Variants in ASTN2 observed in about 807,000 individuals in gnomAD.
The protein encoded by ASTN2 is astrotactin-2.
A neutral mutation model predicts 139.8 loss-of-function variants in ASTN2; 54 were observed. That is an observed-to-expected ratio of 0.39 (90% CI 0.31 to 0.48). The LOEUF (loss-of-function observed/expected upper bound fraction) is 0.48, where lower values mean the gene tolerates loss of function less well. ASTN2 is among the 20% of genes least tolerant of loss of function. The pLI, the probability that ASTN2 is intolerant of heterozygous loss-of-function variation, is 0.95. For missense variants in ASTN2, 1,565 were observed against 1,725.1 expected, an observed-to-expected ratio of 0.91 and a Z score of 1.64; for synonymous variants, 756 against 719.5, an observed-to-expected ratio of 1.05 and a Z score of -0.81.
intron 7 of ASTN2, among the ~76,000 whole-genome samples, chr9:116,986,088 C>T (rs984778306): frequency 6.6e-6 from 1 of 152,000 alleles, no homozygotes; most frequent in Non-Finnish European, 1.5e-5. Flanking sequence ...GTAGGCAGCA[C>T]TTGGTATGTT....
rs1306397698 is a variant in ASTN2, at chr9:117,120,018, G to GTGTGTACATATATATATATATATA, written c.1168+21307_1168+21308insTATATATATATATATATGTACACA. On this transcript the variant is annotated intron_variant, in intron 4 of 22. Coordinates refer to ENST00000313400, the MANE Select transcript of ASTN2 (RefSeq NM_001365068.1). ...TGTGTGTGTGTGTGTGTGTGTGTGT[G>GTGTGTACATATATATATATATATA]TATATATATATATATATATATATAT... Among the ~76,000 whole-genome samples, 4 of 45,998 alleles carry GTGTGTACATATATATATATATATA rather than the reference G, an allele frequency of 8.7e-5. No homozygotes were observed. In the Admixed American group the frequency reaches 9.0e-4, roughly 10 times the overall value. The allele number at this position is 45,998 out of a possible 152,430, so 30.2% of individuals were successfully genotyped here.
chr9:116,781,404 G>T (rs1830215422), intron 13 of ASTN2, among the ~76,000 whole-genome samples: 1 of 152,168 alleles, frequency 6.6e-6, no homozygotes, highest in Admixed American at 6.5e-5. Flanking sequence ...GACACAAGTA[G>T]GCATATAGGA....
At chr9:116,622,675 C>G (rs1856222931) in intron 17 of ASTN2, among the ~76,000 whole-genome samples, 1 of 152,200 alleles carries the variant, frequency 6.6e-6, no homozygotes, top group Non-Finnish European at 1.5e-5. Flanking sequence ...GGATTAATCC[C>G]AAGTAGGGTT....
At chr9:116,907,624 C>G (rs760776570) in intron 10 of ASTN2, among the ~76,000 whole-genome samples, 8 of 152,218 alleles carry the variant, frequency 5.3e-5, no homozygotes, top group Non-Finnish European at 8.8e-5. Context: ...AGATGGATGG[C>G]GGGTAATATC....
At chr9:116,692,617 G>A (rs555725454) in intron 16 of ASTN2, among the ~76,000 whole-genome samples, 58 of 152,238 alleles carry the variant, frequency 3.8e-4, no homozygotes, top group African/African-American at 1.4e-3. Flanking sequence ...TTCAAATCCA[G>A]GAAAGCCTGA....
At chr9:116,892,666 C>A (rs746372220) in intron 10 of ASTN2, among the ~76,000 whole-genome samples, 5 of 151,824 alleles carry the variant, frequency 3.3e-5, no homozygotes, top group African/African-American at 7.3e-5. Flanking sequence ...AAAAGAAAAA[C>A]AAATCCATTA....
chr9:116,550,107 C>T (rs2119398428), intron 19 of ASTN2, among the ~76,000 whole-genome samples: 1 of 152,300 alleles, frequency 6.6e-6, no homozygotes, highest in African/African-American at 2.4e-5. Context: ...TCTCTCTCTT[C>T]TACAACTCCA....
rs371397054 is a variant in ASTN2, at chr9:117,096,180, T to C, written c.1169-29A>G. On this transcript the variant is annotated intron_variant, in intron 4 of 22. Transcript: ENST00000313400. ...TGAGTAAGCACAGTCTATCAGTTAG[T>C]CTCCCAGGCCTCCAGAAGTTTGTGA... 158 of 1,580,522 alleles carry C rather than the reference T, an allele frequency of 1.0e-4. No homozygotes were observed. In the African/African-American group the frequency reaches 1.9e-3, roughly 19 times the overall value.
At chr9:117,084,866 G>C (rs1487040482) in intron 5 of ASTN2, among the ~76,000 whole-genome samples, 1 of 152,230 alleles carries the variant, frequency 6.6e-6, no homozygotes, top group Non-Finnish European at 1.5e-5. Context: ...CTTTTGGCCA[G>C]ACAGTCCTAT....
chr9:117,379,914 A>G lies in ASTN2; in HGVS notation c.442+34583T>C, dbSNP rs544926031. ...TATGGATATTTTCTGGGTGAAGGGG[A>G]GGGAGTGGCATATTTTTTAAAATAG... On this transcript the variant is annotated intron_variant, in intron 1 of 22. Coordinates refer to ENST00000313400, the MANE Select transcript of ASTN2 (RefSeq NM_001365068.1). Among the ~76,000 whole-genome samples the G allele has an allele frequency of 2.7e-3, 416 of 152,218 alleles. 2 individuals are homozygous for G. Among genetic ancestry groups the G allele is most frequent in the African/African-American group, 9.7e-3 (405 of 41,542 alleles).
At chr9:116,927,589 T>A (rs1834790094) in intron 10 of ASTN2, among the ~76,000 whole-genome samples, 1 of 152,214 alleles carries the variant, frequency 6.6e-6, no homozygotes, top group Non-Finnish European at 1.5e-5. Flanking sequence ...AGTGAATGGA[T>A]TATAGTTACA....
At chr9:116,565,415 A>ATTTATT (rs1294670958) in intron 19 of ASTN2, among the ~76,000 whole-genome samples, 1 of 102,258 alleles carries the variant, frequency 9.8e-6, no homozygotes, top group Admixed American at 9.8e-5. Context: ...ATATATATAT[A>ATTTATT]TATATATATA....
At chr9:116,874,768 T>C (rs1307359993) in intron 10 of ASTN2, among the ~76,000 whole-genome samples, 1 of 152,206 alleles carries the variant, frequency 6.6e-6, no homozygotes, top group East Asian at 1.9e-4. Context: ...TTATTGCTCA[T>C]TGCAGATATT....
chr9:117,021,340 A>T (rs1209786659), intron 6 of ASTN2, among the ~76,000 whole-genome samples: 1 of 152,168 alleles, frequency 6.6e-6, no homozygotes, highest in Non-Finnish European at 1.5e-5. Context: ...TGCTTTTGCT[A>T]TCAAACCTAA....
intron 10 of ASTN2, among the ~76,000 whole-genome samples, chr9:116,899,565 T>A (rs1254743120): frequency 6.6e-6 from 1 of 152,176 alleles, no homozygotes; most frequent in Non-Finnish European, 1.5e-5. Context: ...CATAACCAAC[T>A]CCATCTTGCT....
intron 1 of ASTN2, among the ~76,000 whole-genome samples, chr9:117,315,005 C>G (rs562589656): frequency 1.2e-4 from 17 of 147,354 alleles, no homozygotes; most frequent in Non-Finnish European, 2.2e-4. Context: ...TAATATATTA[C>G]TTAATATATA....
At chr9:116,803,524 T>TATATA (rs1830950931) in intron 13 of ASTN2, among the ~76,000 whole-genome samples, 3 of 10,760 alleles carry the variant, frequency 2.8e-4, no homozygotes, top group African/African-American at 6.4e-4. Flanking sequence ...ATATATATAT[T>TATATA]TTTTTTTTTT....
intron 12 of ASTN2, among the ~76,000 whole-genome samples, chr9:116,819,038 G>C (rs554072472): frequency 6.6e-6 from 1 of 152,196 alleles, no homozygotes. Flanking sequence ...GTCCTGAAAG[G>C]CTTGCCTTAT....
intron 20 of ASTN2, among the ~76,000 whole-genome samples, chr9:116,472,076 C>T (rs935615043): frequency 1.3e-5 from 2 of 152,148 alleles, no homozygotes; most frequent in Non-Finnish European, 2.9e-5. Flanking sequence ...TCCCTACCTG[C>T]AGTCTCCTCT....
Sources: gnomAD v4.1 joint callset for allele counts (sites outside exome capture counted in the v4.1 genomes callset) on GRCh38, gnomAD v4.1.1 for gene constraint, MANE v1.5 for transcripts, NCBI Gene and HGNC (gene_info 2026-07-23, HGNC 2026-07-21) for gene names.